OTOG: variants seen among roughly 807,000 people sequenced by gnomAD.
OTOG encodes otogelin.
OTOG carries 296 observed loss-of-function variants against 313.8 expected under a neutral mutation model. The ratio of observed to expected loss-of-function variants is 0.94; its 90% CI spans 0.86 to 1.04. The LOEUF is 1.04. Among genes scored for constraint, OTOG ranks in the 50% least tolerant of loss-of-function variants. The pLI, the probability that OTOG is intolerant of heterozygous loss-of-function variation, is 0.00. For synonymous variants in OTOG, 1,533 were observed against 1,554.9 expected, an observed-to-expected ratio of 0.99 and a Z score of 0.33; for missense variants, 3,948 against 3,840.1, an observed-to-expected ratio of 1.03 and a Z score of -0.74.
rs772117554 is a variant in OTOG, at chr11:17,612,739, G to A, written c.6412G>A (p.Val2138Ile). 1 of 1,550,522 alleles carries A rather than the reference G, an allele frequency of 6.4e-7. No homozygotes were observed. The highest frequency in any genetic ancestry group is 8.7e-7 in the Non-Finnish European group (1 of 1,146,970). The stretch of plus-strand genomic sequence containing the variant: ...CCCAGATGAAATGCTCACCGTCCAT[G>A]TACTGGACTGCAAAAGTGCCAACCT... ...QSPDEMLTVH[V>I]LDCKSANLGH... Residue 2138 changes from valine (V) to isoleucine (I), a missense_variant, in exon 38 of 56, where the codon GTA becomes ATA. Coordinates refer to ENST00000399397, the MANE Select transcript of OTOG (RefSeq NM_001292063.2).
chr11:17,634,973 T>TGGGGG, intron 45 of OTOG, 25 bp downstream of exon 45: 8 of 464,448 alleles, frequency 1.7e-5, no homozygotes, highest in South Asian at 2.0e-5. Context: ...GTGGGGAGGG[T>TGGGGG]GGGGGACGGA....
intron 15 of OTOG, 43 bp from the exon 16 acceptor site, chr11:17,569,113 G>A (rs1042425401): frequency 1.9e-6 from 3 of 1,549,166 alleles, no homozygotes; most frequent in Admixed American, 2.0e-5. Context: ...TCCAGCAGGA[G>A]GGTCAGACCA....
At chr11:17,559,802 A>C (rs1474172606) in intron 12 of OTOG, 140 bp downstream of exon 12, 1 of 826,484 alleles carries the variant, frequency 1.2e-6, no homozygotes, top group Non-Finnish European at 1.7e-6. Context: ...AAGGAAAAAA[A>C]GAAGGAAAGA....
chr11:17,598,442 A>T (rs1405455780), intron 30 of OTOG, among the ~76,000 whole-genome samples: 3 of 151,972 alleles, frequency 2.0e-5, no homozygotes, highest in African/African-American at 7.3e-5. Context: ...TTTTGCATTA[A>T]TTTTGATGTT....
chr11:17,569,546 C>T (rs1852362196), intron 16 of OTOG, among the ~76,000 whole-genome samples: 1 of 152,188 alleles, frequency 6.6e-6, no homozygotes, highest in South Asian at 2.1e-4. Flanking sequence ...TGTTTCCCAT[C>T]CTGACTCTCA....
At chr11:17,569,038 G>C (rs933766598) in intron 15 of OTOG, 118 bp from the exon 16 acceptor site, 1 of 1,229,182 alleles carries the variant, frequency 8.1e-7, no homozygotes, top group Admixed American at 2.3e-5. Context: ...GGCTCTGTCT[G>C]TCATTCTGAG....
At chr11:17,643,090 G>A (rs1177383989) in intron 53 of OTOG, among the ~76,000 whole-genome samples, 1 of 152,218 alleles carries the variant, frequency 6.6e-6, no homozygotes, top group East Asian at 1.9e-4. Flanking sequence ...GTCCAGGGCT[G>A]AGGTAGAGCC....
At chr11:17,618,020 C>T (rs562881122) in intron 39 of OTOG, among the ~76,000 whole-genome samples, 1 of 152,072 alleles carries the variant, frequency 6.6e-6, no homozygotes, top group South Asian at 2.1e-4. Flanking sequence ...TCACACCATT[C>T]TCCTGCCTCA....
chr11:17,565,050 T>A (rs1852269858), intron 15 of OTOG, among the ~76,000 whole-genome samples: 1 of 152,198 alleles, frequency 6.6e-6, no homozygotes, highest in Non-Finnish European at 1.5e-5. Context: ...TCCCTTGACA[T>A]CTTTGTTAAA....
At chr11:17,559,440 C>G (rs756745428) in intron 11 of OTOG, 94 bp from the exon 12 acceptor site, 2 of 1,481,004 alleles carry the variant, frequency 1.4e-6, no homozygotes, top group Admixed American at 4.1e-5. Flanking sequence ...TCAAAGCCCT[C>G]CCTCCCATCC....
At chr11:17,577,380 G>T (rs927165266) in intron 22 of OTOG, among the ~76,000 whole-genome samples, 16 of 132,292 alleles carry the variant, frequency 1.2e-4, no homozygotes, top group South Asian at 1.2e-3. Flanking sequence ...CAGTGGTCGT[G>T]GGATGGGGGT....
At chr11:17,582,107 T>C (rs1256751716) in intron 23 of OTOG, among the ~76,000 whole-genome samples, 1 of 152,208 alleles carries the variant, frequency 6.6e-6, no homozygotes, top group African/African-American at 2.4e-5. Flanking sequence ...TAGTGTATGG[T>C]TTGATGAATT....
At chr11:17,599,870 T>C (rs1165396874) in intron 31 of OTOG, among the ~76,000 whole-genome samples, 173 bp downstream of exon 31, 2 of 151,950 alleles carry the variant, frequency 1.3e-5, no homozygotes, top group Non-Finnish European at 2.9e-5. Context: ...GGCCCAGGGG[T>C]GTCCTGCACC....
At position 17,591,512 on chromosome 11, in the gene OTOG, A is replaced by G. The variant is rs186072595; in HGVS notation, c.2930A>G (p.Tyr977Cys). 3.9e-6 allele frequency: 6 copies of G among 1,550,626 alleles called. No individual in the cohort carries two copies. Among genetic ancestry groups the G allele is most frequent in the East Asian group, 4.9e-5 (2 of 40,918 alleles). ...LHPCASTCTA[Y>C]GDRHYRTFDG... ...CCTTGCGCCTCCACCTGCACTGCCT[A>G]TGGGGACCGGCATTACCGCACGTTT... The change falls in exon 25 of 56, where the codon TAT (tyrosine) becomes TGT (cysteine). Residue 977 changes from tyrosine (Y) to cysteine (C), a missense_variant. Tyr to Cys is a radical substitution (Grantham distance 194). Transcript: ENST00000399397.
chr11:17,579,178 A>T (rs1341500425), intron 23 of OTOG, among the ~76,000 whole-genome samples: 1 of 152,006 alleles, frequency 6.6e-6, no homozygotes, highest in Non-Finnish European at 1.5e-5. Context: ...ACCTTATCCC[A>T]TGGCTTGGCA....
chr11:17,606,544 A>G (rs1173446375), intron 33 of OTOG, among the ~76,000 whole-genome samples: 1 of 152,204 alleles, frequency 6.6e-6, no homozygotes, highest in African/African-American at 2.4e-5. Context: ...TCTGGGGGCC[A>G]GCAACCTCCT....
chr11:17,601,330 C>T (rs1853244335), intron 31 of OTOG, among the ~76,000 whole-genome samples: 1 of 152,012 alleles, frequency 6.6e-6, no homozygotes, highest in South Asian at 2.1e-4. Context: ...TGAGCTGGGC[C>T]CCAGAGGTTG....
chr11:17,580,126 T>A (rs1347670966), intron 23 of OTOG, among the ~76,000 whole-genome samples: 3 of 152,202 alleles, frequency 2.0e-5, no homozygotes, highest in Non-Finnish European at 4.4e-5. Context: ...CTGGCCACCA[T>A]GCCCTTCTCA....
At position 17,553,238 on chromosome 11, in the gene OTOG, AG is replaced by A. The variant is rs763782667; in HGVS notation, c.385+29del. 1.8e-5 allele frequency: 28 copies of A among 1,548,786 alleles called. No individual in the cohort carries two copies. The African/African-American group carries it at 3.0e-4, about 17-fold the overall frequency. On this transcript the variant is annotated intron_variant, in intron 5 of 55. Transcript: ENST00000399397. Reference sequence around the variant, plus strand: ...TGGGTCTGGGCTCCACCCCACCCCCAGGAAGGGACCTGGGTGCAGGGAAAGC... The same window carrying A: ...TGGGTCTGGGCTCCACCCCACCCCCAGAAGGGACCTGGGTGCAGGGAAAGC...
Sources: gnomAD v4.1 joint callset for allele counts (sites outside exome capture counted in the v4.1 genomes callset) on GRCh38, gnomAD v4.1.1 for gene constraint, MANE v1.5 for transcripts, NCBI Gene and HGNC (gene_info 2026-07-23, HGNC 2026-07-21) for gene names.